The following BTBD9 variants were observed in gnomAD, a reference collection of about 807,000 sequenced individuals.
The protein encoded by BTBD9 is BTB domain containing 9, also known as BTB/POZ domain-containing protein 9.
BTBD9 carries 49 observed loss-of-function variants against 64.3 expected under a neutral mutation model. The observed-to-expected ratio is 0.76, with a 90% CI of 0.61 to 0.97. BTBD9 has a LOEUF of 0.97. BTBD9 is among the 50% of genes least tolerant of loss of function. The pLI is 0.00. For missense variants in BTBD9, 598 were observed against 762.1 expected (o/e 0.78, Z 2.53); for synonymous variants, 260 against 274.7 (o/e 0.95, Z 0.53).
At chr6:38,475,924 T>C (rs1265838414) in intron 6 of BTBD9, among the ~76,000 whole-genome samples, 2 of 152,288 alleles carry the variant, frequency 1.3e-5, no homozygotes, top group East Asian at 3.9e-4. Flanking sequence ...TGGCTCTAGA[T>C]TCAGTGGTCT....
chr6:38,308,918 T>C (rs1762727056), intron 7 of BTBD9, among the ~76,000 whole-genome samples: 1 of 150,762 alleles, frequency 6.6e-6, no homozygotes, highest in Admixed American at 6.6e-5. Context: ...CCACTGCGCC[T>C]GGGCCAACAG....
At chr6:38,493,137 A>C (rs1231418147) in intron 6 of BTBD9, among the ~76,000 whole-genome samples, 1 of 152,258 alleles carries the variant, frequency 6.6e-6, no homozygotes, top group Non-Finnish European at 1.5e-5. Context: ...ATCAACAATT[A>C]CACTGGGTAA....
intron 1 of BTBD9, among the ~76,000 whole-genome samples, chr6:38,601,898 AAAC>A (rs1441503344): frequency 1.3e-5 from 2 of 152,228 alleles, no homozygotes; most frequent in African/African-American, 4.8e-5. Context: ...TCCATGCCAA[AAAC>A]AACTAGCTAG....
intron 6 of BTBD9, among the ~76,000 whole-genome samples, chr6:38,566,500 C>T (rs1261818942): frequency 2.0e-5 from 3 of 152,128 alleles, no homozygotes; most frequent in African/African-American, 7.2e-5. Context: ...AGACAGCTTA[C>T]CGGTGTGATG....
chr6:38,204,328 C>A (rs535018724), intron 9 of BTBD9, among the ~76,000 whole-genome samples: 12 of 152,258 alleles, frequency 7.9e-5, no homozygotes, highest in African/African-American at 2.9e-4. Context: ...AAATGTCCAT[C>A]AACTGATGAA....
intron 6 of BTBD9, among the ~76,000 whole-genome samples, chr6:38,454,793 T>A (rs1239985487): frequency 1.3e-5 from 2 of 149,416 alleles, no homozygotes; most frequent in African/African-American, 4.9e-5. Context: ...AGAGCAAGAC[T>A]CTGTCTCTTA....
intron 6 of BTBD9, among the ~76,000 whole-genome samples, chr6:38,391,117 C>A (rs1766392661): frequency 6.6e-6 from 1 of 152,174 alleles, no homozygotes; most frequent in Admixed American, 6.5e-5. Flanking sequence ...CAAATATTTA[C>A]TGAATATCTA....
rs373303083 is a variant in BTBD9, at chr6:38,598,108, C to G, written c.-14G>C. Reference sequence around the variant, plus strand: ...GCTGTTACTCATCTTGTGGAATAGACGATAGTCGTTGTTCTATCATATAAA... The same window carrying G: ...GCTGTTACTCATCTTGTGGAATAGAGGATAGTCGTTGTTCTATCATATAAA... On this transcript the variant is annotated 5_prime_UTR_variant, in exon 2 of 11. Coordinates refer to ENST00000481247, the MANE Select transcript of BTBD9 (RefSeq NM_001099272.2). 58 of 1,608,864 alleles carry G rather than the reference C, an allele frequency of 3.6e-5. No individual in the cohort carries two copies. Among genetic ancestry groups the G allele is most frequent in the Non-Finnish European group, 4.7e-5 (55 of 1,177,024 alleles).
chr6:38,214,724 A>G (rs911131642), intron 9 of BTBD9, among the ~76,000 whole-genome samples: 1 of 152,202 alleles, frequency 6.6e-6, no homozygotes, highest in Non-Finnish European at 1.5e-5. Flanking sequence ...GTTTGATGCC[A>G]TGTATTTCAT....
At chr6:38,254,908 A>G (rs1255368787) in intron 9 of BTBD9, among the ~76,000 whole-genome samples, 1 of 152,248 alleles carries the variant, frequency 6.6e-6, no homozygotes, top group African/African-American at 2.4e-5. Flanking sequence ...TTCTACTCTC[A>G]GATATATACC....
At chr6:38,587,863 A>G in intron 4 of BTBD9, 1 of 723,050 alleles carries the variant, frequency 1.4e-6, no homozygotes, top group Non-Finnish European at 2.6e-6. Flanking sequence ...AAGATGAAAT[A>G]AAAAATAATG....
At chr6:38,280,133 C>A (rs1284117797) in intron 8 of BTBD9, among the ~76,000 whole-genome samples, 1 of 152,184 alleles carries the variant, frequency 6.6e-6, no homozygotes, top group Non-Finnish European at 1.5e-5. Context: ...TGAAATACCT[C>A]TAGGATGAAA....
intron 6 of BTBD9, among the ~76,000 whole-genome samples, chr6:38,537,058 A>G (rs914314491): frequency 2.0e-5 from 3 of 152,210 alleles, no homozygotes; most frequent in African/African-American, 7.2e-5. Flanking sequence ...TACACATTGT[A>G]TGCCTGTATC....
intron 6 of BTBD9, among the ~76,000 whole-genome samples, chr6:38,532,635 T>G (rs570132597): frequency 2.0e-5 from 3 of 152,000 alleles, no homozygotes; most frequent in Non-Finnish European, 4.4e-5. Flanking sequence ...CTCAGGCCCC[T>G]TTTCCAGGAC....
At chr6:38,364,615 A>T (rs1209087871) in intron 6 of BTBD9, among the ~76,000 whole-genome samples, 1 of 152,226 alleles carries the variant, frequency 6.6e-6, no homozygotes, top group African/African-American at 2.4e-5. Context: ...CTTGGCAGCT[A>T]AGGTGATATA....
chr6:38,504,578 G>A (rs1562271900), intron 6 of BTBD9: 2 of 456,420 alleles, frequency 4.4e-6, no homozygotes, highest in Non-Finnish European at 8.8e-6. Flanking sequence ...GGTGAAATGT[G>A]GATTTTTTTA....
At chr6:38,296,215 C>T (rs1428236542) in intron 7 of BTBD9, among the ~76,000 whole-genome samples, 4 of 151,934 alleles carry the variant, frequency 2.6e-5, no homozygotes, top group Non-Finnish European at 5.9e-5. Context: ...TTTTCTTTTA[C>T]ATTGTCATAT....
chr6:38,389,394 G>A (rs1249433343), intron 6 of BTBD9, among the ~76,000 whole-genome samples: 1 of 152,136 alleles, frequency 6.6e-6, no homozygotes, highest in Non-Finnish European at 1.5e-5. Context: ...AAAGACCCAG[G>A]AAATTTCAAA....
At chr6:38,461,967 T>C (rs1316066222) in intron 6 of BTBD9, among the ~76,000 whole-genome samples, 1 of 152,220 alleles carries the variant, frequency 6.6e-6, no homozygotes, top group Non-Finnish European at 1.5e-5. Context: ...CACTCATATA[T>C]CCTTTTGGGT....
Sources: allele counts gnomAD v4.1 joint callset (sites outside exome capture counted in the v4.1 genomes callset), GRCh38; gene constraint gnomAD v4.1.1; transcripts MANE v1.5; gene names NCBI Gene and HGNC (gene_info 2026-07-23, HGNC 2026-07-21).